The following RAB43 variants were observed in gnomAD, a reference collection of about 807,000 sequenced individuals.
RAB43 encodes the protein RAB43, member RAS oncogene family.
In RAB43, 6 loss-of-function variants were observed where a neutral mutation model predicts 18.8. That is an observed-to-expected ratio of 0.32 (90% confidence interval 0.17 to 0.63). The LOEUF is 0.63. RAB43 is among the 30% of genes least tolerant of loss of function. RAB43 has a pLI of 0.79. For synonymous variants in RAB43, 103 were observed against 124.1 expected, an observed-to-expected ratio of 0.83 and a Z score of 1.13; for missense variants, 195 against 289.1, an observed-to-expected ratio of 0.67 and a Z score of 2.36.
rs570738854 is a variant in RAB43 at position 129,095,322 on chromosome 3, T to C, written c.205-153A>G. Among the ~76,000 whole-genome samples the C allele has an allele frequency of 6.6e-6, 1 of 152,140 alleles. No homozygotes were observed. Among genetic ancestry groups the C allele is most frequent in the African/African-American group, 2.4e-5 (1 of 41,526 alleles). ...AAAGCAACTCAATGGCTCAACCTTG[T>C]TGGAAAAATGGGGAAGCAAAGGGAA... is the stretch of plus-strand genomic sequence containing the variant. On this transcript the variant is annotated intron_variant, in intron 1 of 2. Coordinates refer to ENST00000315150, the MANE Select transcript of RAB43 (RefSeq NM_198490.3). The surrounding 1 kb of genome is among the most constrained non-coding windows in gnomAD (Gnocchi z 4.2).
At chr3:129,105,544 G>A (rs1409105892) in intron 1 of RAB43, among the ~76,000 whole-genome samples, 2 of 131,820 alleles carry the variant, frequency 1.5e-5, no homozygotes, top group East Asian at 2.3e-4. Flanking sequence ...ACTTTGGGAG[G>A]CCAAGGCAGG....
chr3:129,103,017 G>A (rs1018905854), intron 1 of RAB43, among the ~76,000 whole-genome samples: 4 of 152,156 alleles, frequency 2.6e-5, no homozygotes, highest in Non-Finnish European at 5.9e-5. Context: ...TGGGGGTCCC[G>A]GCCATCTCAC....
In RAB43 at chr3:129,107,356, G is replaced by C. The variant is rs531524378; in HGVS notation, c.205-12187C>G. Among the ~76,000 whole-genome samples the C allele has an allele frequency of 6.6e-6, 1 of 152,068 alleles. No individual in the cohort carries two copies. The highest frequency in any genetic ancestry group is 1.5e-5 in the Non-Finnish European group (1 of 68,016). Reference sequence around the variant, plus strand: ...GAGAAAAAGGTGCACTGTGGGAAACGACCCTGGCCTCTGGCCAACAAGTCC... The same window carrying C: ...GAGAAAAAGGTGCACTGTGGGAAACCACCCTGGCCTCTGGCCAACAAGTCC... On this transcript the variant is annotated intron_variant, in intron 1 of 2. Transcript: ENST00000315150. The surrounding 1 kb of genome is among the most constrained non-coding windows in gnomAD (Gnocchi z 4.2).
Position 129,121,534 on chromosome 3 carries a change from G to C in RAB43, c.-45C>G, listed in dbSNP as rs940035179. 6.7e-7 allele frequency: 1 copy of C among 1,498,956 alleles called. No individual in the cohort carries two copies. The highest frequency in any genetic ancestry group is 1.2e-5 in the South Asian group (1 of 81,292). 92.9% of individuals were successfully genotyped at this position (1,498,956 alleles called of 1,614,324 possible). ...GGCCGGCGCTCTGGACGCTGGGACC[G>C]GCCTGAGCTCACGCAAGCCGCGGGC... is the stretch of plus-strand genomic sequence containing the variant. On this transcript the variant is annotated 5_prime_UTR_variant, in exon 1 of 3. Transcript: ENST00000315150.
chr3:129,119,409 T>C (rs1179252395), intron 1 of RAB43, among the ~76,000 whole-genome samples: 1 of 152,126 alleles, frequency 6.6e-6, no homozygotes, highest in African/African-American at 2.4e-5. Context: ...AGCTGTCCAC[T>C]ATGGGGGAGA....
chr3:129,119,092 G>C (rs1188220424), intron 1 of RAB43, among the ~76,000 whole-genome samples: 1 of 152,208 alleles, frequency 6.6e-6, no homozygotes, highest in Non-Finnish European at 1.5e-5. Context: ...TCATAGACCT[G>C]TAACACCTCA....
chr3:129,101,410 G>C (rs1934406144), intron 1 of RAB43, among the ~76,000 whole-genome samples: 1 of 152,204 alleles, frequency 6.6e-6, no homozygotes. Flanking sequence ...ATATAGCAGG[G>C]AACGGAGCAA....
At chr3:129,103,518 A>G (rs1934563784) in intron 1 of RAB43, among the ~76,000 whole-genome samples, 1 of 150,242 alleles carries the variant, frequency 6.7e-6, no homozygotes, top group African/African-American at 2.4e-5. Flanking sequence ...CTGCCTGAAA[A>G]GCTCTCCCAG....
intron 1 of RAB43, among the ~76,000 whole-genome samples, chr3:129,101,888 C>A (rs1407318174): frequency 1.3e-5 from 2 of 152,144 alleles, no homozygotes; most frequent in African/African-American, 4.8e-5. Context: ...ATCAGCGCAC[C>A]CTGCACTCCA....
In RAB43 at chr3:129,107,021, G is replaced by T. The variant is rs553888357; in HGVS notation, c.205-11852C>A. Among the ~76,000 whole-genome samples the T allele has an allele frequency of 6.6e-6, 1 of 152,336 alleles. No homozygotes were observed. Among genetic ancestry groups the T allele is most frequent in the East Asian group, 1.9e-4 (1 of 5,188 alleles). ...ACCCACGACGTTTTGCAGGCCTGGTGAAAGCAAGGGGCCAGAGGCCATGAA... is the reference window on the plus strand; with the variant it reads ...ACCCACGACGTTTTGCAGGCCTGGTTAAAGCAAGGGGCCAGAGGCCATGAA... On this transcript the variant is annotated intron_variant, in intron 1 of 2. Coordinates refer to ENST00000315150, the MANE Select transcript of RAB43 (RefSeq NM_198490.3). The surrounding 1 kb of genome is among the most constrained non-coding windows in gnomAD (Gnocchi z 4.2).
At chr3:129,117,984 T>C (rs144060324) in intron 1 of RAB43, among the ~76,000 whole-genome samples, 12 of 152,334 alleles carry the variant, frequency 7.9e-5, no homozygotes, top group African/African-American at 2.6e-4. Flanking sequence ...TTTGAAGCTG[T>C]GGTAAGTGTT....
chr3:129,121,405 C>A lies in RAB43; in HGVS notation c.85G>T (p.Val29Leu). 1.2e-6 allele frequency: 2 copies of A among 1,613,182 alleles called. No homozygotes were observed. Among genetic ancestry groups the A allele is most frequent in the Non-Finnish European group, 1.7e-6 (2 of 1,179,610 alleles). The part of the protein sequence containing the change: ...FKLVLVGDAS[V>L]GKTCVVQRFK... The stretch of plus-strand genomic sequence containing the variant: ...CGCTGCACCACGCACGTCTTGCCCA[C>A]GCTTGCGTCGCCCACCAGCACCAGC... Residue 29 changes from valine to leucine, a missense_variant, in exon 1 of 3, where the codon GTG becomes TTG. Physicochemically the swap from Val to Leu is conservative, Grantham distance 32. Transcript: ENST00000315150.
chr3:129,094,996 C>G lies in RAB43; in HGVS notation c.378G>C (p.Gln126His). Residue 126 changes from glutamine (Q) to histidine (H), a missense_variant, in exon 2 of 3, where the codon CAG becomes CAC. Gln to His is a conservative substitution (Grantham distance 24). Transcript: ENST00000315150. The stretch of plus-strand genomic sequence containing the variant: ...GAATCCCCAACTCACCGATCAGCAG[C>G]TGCACAATGTTGGAGCCCGCATACT... ...VRKYAGSNIV[Q>H]LLIGNKSDLS... 1 of 1,610,644 alleles carries G rather than the reference C, an allele frequency of 6.2e-7. No homozygotes were observed. Among genetic ancestry groups the G allele is most frequent in the African/African-American group, 1.3e-5 (1 of 74,958 alleles).
At chr3:129,119,986 C>T (rs1935804422) in intron 1 of RAB43, among the ~76,000 whole-genome samples, 1 of 152,176 alleles carries the variant, frequency 6.6e-6, no homozygotes, top group African/African-American at 2.4e-5. Flanking sequence ...CCCTGGCTAC[C>T]TGCTCCAAAA....
intron 1 of RAB43, among the ~76,000 whole-genome samples, chr3:129,117,242 T>C (rs1298191554): frequency 3.3e-5 from 5 of 152,286 alleles, no homozygotes; most frequent in Middle Eastern, 3.4e-3. Context: ...TTTAAGCATG[T>C]TCAAAGTTTT....
At chr3:129,100,624 A>C (rs891825487) in intron 1 of RAB43, among the ~76,000 whole-genome samples, 1 of 152,224 alleles carries the variant, frequency 6.6e-6, no homozygotes, top group Non-Finnish European at 1.5e-5. Flanking sequence ...AACTGTGGGC[A>C]GTAATGGAGA....
chr3:129,095,242 G>C lies in RAB43; in HGVS notation c.205-73C>G. Reference sequence around the variant, plus strand: ...TGGGGACAGGCAGAGTGACCCCACAGACCCACACCCAGAGCTGTGGTTCCA... The same window carrying C: ...TGGGGACAGGCAGAGTGACCCCACACACCCACACCCAGAGCTGTGGTTCCA... On this transcript the variant is annotated intron_variant, in intron 1 of 2. Transcript: ENST00000315150. This position sits in a 1 kb window ranked among gnomAD's most constrained non-coding sequence, Gnocchi z 4.2. 6.5e-7 allele frequency: 1 copy of C among 1,544,786 alleles called. No homozygotes were observed. Among genetic ancestry groups the C allele is most frequent in the Non-Finnish European group, 8.7e-7 (1 of 1,143,124 alleles).
chr3:129,098,468 C>T (rs139481889), intron 1 of RAB43, among the ~76,000 whole-genome samples: 3 of 152,316 alleles, frequency 2.0e-5, no homozygotes, highest in African/African-American at 4.8e-5. Context: ...TCCAGAGTCT[C>T]GTTAAGTTAT....
intron 1 of RAB43, among the ~76,000 whole-genome samples, chr3:129,113,164 A>ATTT: frequency 7.0e-6 from 1 of 143,234 alleles, no homozygotes; most frequent in East Asian, 2.2e-4. Context: ...TATTATTATT[A>ATTT]TTATTATTTT....
Sources: gnomAD v4.1 joint callset for allele counts (sites outside exome capture counted in the v4.1 genomes callset) on GRCh38, gnomAD v4.1.1 for gene constraint, Gnocchi (gnomAD v3.1) non-coding constraint, MANE v1.5 for transcripts, NCBI Gene and HGNC (gene_info 2026-07-23, HGNC 2026-07-21) for gene names.